The following C3orf70 variants were observed in gnomAD, a reference collection of about 807,000 sequenced individuals.
C3orf70 encodes the protein chromosome 3 open reading frame 70.
C3orf70 carries 15 observed loss-of-function variants against 20.7 expected under a neutral mutation model. The ratio of observed to expected loss-of-function variants is 0.72; its 90% CI spans 0.48 to 1.11. The LOEUF is 1.11. C3orf70 is among the 50% of genes most tolerant of loss of function. C3orf70 has a pLI of 0.00. For synonymous variants in C3orf70, 161 were observed against 125.7 expected (o/e 1.28, Z -1.88); for missense variants, 332 against 317.6 (o/e 1.05, Z -0.34).
rs147489654 is a variant in C3orf70, at chr3:185,083,240, T to C, written c.520A>G (p.Asn174Asp). ...AHDALISKES[N>D]TPKIDHCSSP... ...GAGCAGTGATCTATTTTTGGTGTAT[T>C]GCTCTCTTTTGAAATTAAGGCATCG... The change falls in exon 2 of 2, where the codon AAT becomes GAT. Residue 174 changes from asparagine (N) to aspartate (D), a missense_variant. Physicochemically the swap from Asn to Asp is conservative, Grantham distance 23. Transcript: ENST00000335012. The C allele has an allele frequency of 3.6e-4, 588 of 1,614,228 alleles. 1 individual carries two copies. In the African/African-American group the frequency reaches 7.1e-3, roughly 19 times the overall value.
intron 1 of C3orf70, among the ~76,000 whole-genome samples, chr3:185,097,587 C>T (rs1256033181): frequency 2.6e-5 from 4 of 152,174 alleles, no homozygotes; most frequent in Non-Finnish European, 4.4e-5. Flanking sequence ...GAGTGAAAAA[C>T]TTTAGCAGCT....
intron 1 of C3orf70, among the ~76,000 whole-genome samples, chr3:185,130,638 C>T (rs972653083): frequency 2.0e-5 from 3 of 152,168 alleles, no homozygotes; most frequent in African/African-American, 7.2e-5. Context: ...CCTGGTCCAT[C>T]GCAACCCCTC....
At chr3:185,094,924 C>T (rs1280554661) in intron 1 of C3orf70, among the ~76,000 whole-genome samples, 12 of 152,178 alleles carry the variant, frequency 7.9e-5, no homozygotes, top group African/African-American at 2.7e-4. Context: ...AGGGCACACA[C>T]AGACTCAGCC....
chr3:185,134,883 TCC>T (rs1716591266), intron 1 of C3orf70, among the ~76,000 whole-genome samples: 1 of 151,744 alleles, frequency 6.6e-6, no homozygotes. Context: ...GAGCAAAAAC[TCC>T]CACTCCCACC....
intron 1 of C3orf70, among the ~76,000 whole-genome samples, chr3:185,128,843 G>A (rs752254199): frequency 1.3e-5 from 2 of 152,106 alleles, no homozygotes; most frequent in African/African-American, 2.4e-5. Flanking sequence ...TGAAACAGAC[G>A]ATCTCAAGGT....
chr3:185,093,551 C>A (rs1420249148), intron 1 of C3orf70, among the ~76,000 whole-genome samples: 1 of 151,998 alleles, frequency 6.6e-6, no homozygotes, highest in African/African-American at 2.4e-5. Flanking sequence ...TAGAATGCAT[C>A]CCCCTTACAA....
At chr3:185,111,259 AATC>A (rs1394865355) in intron 1 of C3orf70, among the ~76,000 whole-genome samples, 1 of 152,222 alleles carries the variant, frequency 6.6e-6, no homozygotes, top group Non-Finnish European at 1.5e-5. Flanking sequence ...CAAAATAAAA[AATC>A]ATTGTGCTTC....
intron 1 of C3orf70, among the ~76,000 whole-genome samples, chr3:185,126,372 G>A (rs1444351290): frequency 3.3e-5 from 5 of 152,132 alleles, no homozygotes; most frequent in Non-Finnish European, 7.3e-5. Flanking sequence ...TGATAGAAAA[G>A]GATGTCAGTC....
At chr3:185,108,643 A>C (rs1715996887) in intron 1 of C3orf70, among the ~76,000 whole-genome samples, 1 of 152,258 alleles carries the variant, frequency 6.6e-6, no homozygotes, top group Non-Finnish European at 1.5e-5. Context: ...ACCCATGTTA[A>C]TGCCTCTAGT....
At chr3:185,122,130 G>C (rs543141464) in intron 1 of C3orf70, among the ~76,000 whole-genome samples, 1 of 148,726 alleles carries the variant, frequency 6.7e-6, no homozygotes, top group African/African-American at 2.5e-5. Context: ...AGAGTATAAA[G>C]GAAATATACT....
At chr3:185,111,005 T>C (rs2108595844) in intron 1 of C3orf70, among the ~76,000 whole-genome samples, 1 of 152,280 alleles carries the variant, frequency 6.6e-6, no homozygotes, top group South Asian at 2.1e-4. Context: ...TTAATTCCTC[T>C]AGCGCTGCCG....
In C3orf70 at chr3:185,097,606, G is replaced by A. The variant is rs1358405846; in HGVS notation, c.197-14043C>T. 2.6e-5 allele frequency among the ~76,000 whole-genome samples: 4 copies of A among 152,338 alleles called. No homozygotes were observed. The South Asian group carries it at 8.3e-4, about 32-fold the overall frequency. ...GAAAAACTTTAGCAGCTAGGTGACA[G>A]TAACATTCAGTAGCCTTATGAATGA... On this transcript the variant is annotated intron_variant, in intron 1 of 1. Coordinates refer to ENST00000335012, the MANE Select transcript of C3orf70 (RefSeq NM_001025266.3).
At chr3:185,095,177 T>G (rs78431813) in intron 1 of C3orf70, among the ~76,000 whole-genome samples, 19 of 152,366 alleles carry the variant, frequency 1.2e-4, no homozygotes, top group African/African-American at 4.6e-4. Flanking sequence ...GGACATTTTA[T>G]GAGACCATCT....
In C3orf70 at chr3:185,141,801, AACAC is replaced by A. The variant is rs66562532; in HGVS notation, c.196+10823_196+10826del. On this transcript the variant is annotated intron_variant, in intron 1 of 1. Coordinates refer to ENST00000335012, the MANE Select transcript of C3orf70 (RefSeq NM_001025266.3). ...GTATGCAGTGGGGAAATGCAAAGGA[AACAC>A]ACACACACACACACACACACACACA... is the stretch of plus-strand genomic sequence containing the variant. Among the ~76,000 whole-genome samples the A allele has an allele frequency of 2.9e-3, 420 of 146,434 alleles. 2 individuals carry two copies. Among genetic ancestry groups the A allele is most frequent in the African/African-American group, 9.1e-3 (361 of 39,808 alleles).
At chr3:185,131,910 A>C (rs979747990) in intron 1 of C3orf70, among the ~76,000 whole-genome samples, 1 of 152,248 alleles carries the variant, frequency 6.6e-6, no homozygotes, top group Non-Finnish European at 1.5e-5. Flanking sequence ...TAAATTACAA[A>C]TAAACCAACT....
Position 185,152,861 on chromosome 3 carries a change from G to A in C3orf70, c.-38C>T, listed in dbSNP as rs1329756962. 2.7e-6 allele frequency: 4 copies of A among 1,469,378 alleles called. No individual in the cohort carries two copies. Among genetic ancestry groups the A allele is most frequent in the East Asian group, 2.9e-5 (1 of 34,918 alleles). The allele number at this position is 1,469,378 out of a possible 1,614,324, so 91.0% of individuals were successfully genotyped here. On this transcript the variant is annotated 5_prime_UTR_variant, in exon 1 of 2. Transcript: ENST00000335012. ...CGCGCGGAGCCGACACCGGGAGCCC[G>A]GGAGAAGCGACGTCTGGGTGGGCAG...
At chr3:185,152,458 G>GC (rs1344122014) in intron 1 of C3orf70, among the ~76,000 whole-genome samples, 170 bp downstream of exon 1, 1 of 152,166 alleles carries the variant, frequency 6.6e-6, no homozygotes, top group African/African-American at 2.4e-5. Context: ...GCCGTCCGGC[G>GC]CAAGGAAAGC....
chr3:185,095,487 A>C (rs959389967), intron 1 of C3orf70, among the ~76,000 whole-genome samples: 17 of 152,248 alleles, frequency 1.1e-4, no homozygotes, highest in Non-Finnish European at 2.9e-5. Context: ...GACATCTGTC[A>C]CATTTATTTA....
intron 1 of C3orf70, 101 bp from the exon 2 acceptor site, chr3:185,083,664 G>T: frequency 1.0e-6 from 1 of 965,414 alleles, no homozygotes; most frequent in South Asian, 2.1e-5. Flanking sequence ...AAATATTTCA[G>T]TAACACCTCA....
Sources: allele counts gnomAD v4.1 joint callset (sites outside exome capture counted in the v4.1 genomes callset), GRCh38; gene constraint gnomAD v4.1.1; transcripts MANE v1.5; gene names NCBI Gene and HGNC (gene_info 2026-07-23, HGNC 2026-07-21).